RYR2: variants seen among roughly 807,000 people sequenced by gnomAD.
RYR2 encodes the protein ryanodine receptor 2.
Under a neutral mutation model 601.1 loss-of-function variants are expected in RYR2, and 227 were observed. The ratio of observed to expected loss-of-function variants is 0.38; its 90% CI spans 0.34 to 0.42. RYR2 has a LOEUF of 0.42. Among genes scored for constraint, RYR2 ranks in the 10% least tolerant of loss-of-function variants. RYR2 has a pLI of 1.00. For missense variants in RYR2, 4,646 were observed against 6,156.5 expected (o/e 0.75, Z 8.21); for synonymous variants, 2,223 against 2,175.1 (o/e 1.02, Z -0.61).
intron 63 of RYR2, among the ~76,000 whole-genome samples, chr1:237,694,107 A>C (rs1256113683): frequency 1.3e-5 from 2 of 151,944 alleles, no homozygotes; most frequent in African/African-American, 2.4e-5. Flanking sequence ...ATCCTGGCTA[A>C]CAAGGTGAAA....
chr1:237,299,578 A>G (rs1341603790), intron 2 of RYR2, among the ~76,000 whole-genome samples: 1 of 152,176 alleles, frequency 6.6e-6, no homozygotes. Flanking sequence ...CTTTTCCCAC[A>G]TCCATTAGTT....
intron 22 of RYR2, 123 bp downstream of exon 22, chr1:237,503,628 T>C (rs961004162): frequency 1.6e-5 from 13 of 835,234 alleles, no homozygotes; most frequent in Non-Finnish European, 1.5e-5. Context: ...ACAGTTGACA[T>C]GTAGGACTGA....
rs372314209 is a variant in RYR2, at chr1:237,638,354, C to T, written c.6793-3C>T. ...AACTCTTTGTTAATCATGTTGTTTG[C>T]AGGTAGTTCGTTATTTGGCTGGTTG... On this transcript the variant is annotated splice_region_variant and splice_polypyrimidine_tract_variant and intron_variant, in intron 44 of 104. Transcript: ENST00000366574. The T allele has an allele frequency of 1.9e-5, 31 of 1,613,694 alleles. No homozygotes were observed. The African/African-American group carries it at 3.5e-4, about 18-fold the overall frequency.
intron 25 of RYR2, among the ~76,000 whole-genome samples, chr1:237,543,605 T>TGTA (rs1365602474): frequency 2.0e-5 from 3 of 152,212 alleles, no homozygotes; most frequent in African/African-American, 4.8e-5. Context: ...TGAACTTGGC[T>TGTA]GTAGCCTTTA....
chr1:237,275,753 C>G (rs1572442292), intron 2 of RYR2, among the ~76,000 whole-genome samples: 1 of 152,024 alleles, frequency 6.6e-6, no homozygotes, highest in African/African-American at 2.4e-5. Flanking sequence ...CTTTAAAGTT[C>G]ACATACCATA....
chr1:237,377,060 GAGT>G lies in RYR2; in HGVS notation c.464-261_464-259del, dbSNP rs564550780. 8.5e-3 allele frequency among the ~76,000 whole-genome samples: 1,288 copies of G among 152,308 alleles called. 22 individuals are homozygous for G. The highest frequency in any genetic ancestry group is 0.03 in the African/African-American group (1,235 of 41,564). ...GTGAGTGGTGAATTTAGCCTTAGAT[GAGT>G]ATAAATAAACATCGCTTTAAAGCAA... On this transcript the variant is annotated intron_variant, in intron 7 of 104. Transcript: ENST00000366574.
chr1:237,292,009 T>C lies in RYR2; in HGVS notation c.168+21393T>C, dbSNP rs371207176. 1.3e-4 allele frequency among the ~76,000 whole-genome samples: 20 copies of C among 152,312 alleles called. No individual in the cohort carries two copies. The East Asian group carries it at 3.5e-3, about 26-fold the overall frequency. ...TACTGATAGTGGGGGAAGCCGTGCATGTGTAGGGGGCAGAGGTATATGGGA... is the reference window on the plus strand; with the variant it reads ...TACTGATAGTGGGGGAAGCCGTGCACGTGTAGGGGGCAGAGGTATATGGGA... On this transcript the variant is annotated intron_variant, in intron 2 of 104. Transcript: ENST00000366574.
At chr1:237,319,431 T>A (rs1695410555) in intron 2 of RYR2, among the ~76,000 whole-genome samples, 4 of 152,208 alleles carry the variant, frequency 2.6e-5, no homozygotes. Flanking sequence ...TGAATTCTTT[T>A]ATGTCTCTAT....
At chr1:237,731,289 G>A (rs1690655300) in intron 77 of RYR2, among the ~76,000 whole-genome samples, 1 of 151,904 alleles carries the variant, frequency 6.6e-6, no homozygotes, top group Admixed American at 6.6e-5. Flanking sequence ...CAAAAAGTTG[G>A]ATGTAATTGA....
chr1:237,377,267 A>T (rs1411167891), intron 7 of RYR2, 56 bp from the exon 8 acceptor site: 1 of 1,323,198 alleles, frequency 7.6e-7, no homozygotes, highest in African/African-American at 1.5e-5. Context: ...TGGCAAAGAA[A>T]ATAGATTTTA....
chr1:237,553,319 G>C (rs971274526), intron 27 of RYR2, among the ~76,000 whole-genome samples: 5 of 151,904 alleles, frequency 3.3e-5, no homozygotes, highest in Non-Finnish European at 7.4e-5. Flanking sequence ...ACCATTTGTT[G>C]GAACAATTAT....
intron 3 of RYR2, among the ~76,000 whole-genome samples, chr1:237,348,458 G>GT (rs1698487136): frequency 6.6e-6 from 1 of 152,160 alleles, no homozygotes; most frequent in South Asian, 2.1e-4. Flanking sequence ...AGGAGGAGGG[G>GT]TTTTGATAAT....
At chr1:237,664,153 G>A (rs1315524961) in intron 56 of RYR2, among the ~76,000 whole-genome samples, 2 of 152,112 alleles carry the variant, frequency 1.3e-5, no homozygotes, top group African/African-American at 4.8e-5. Context: ...TAAAACAAAT[G>A]AAAAATAAGC....
chr1:237,524,016 TTAAACA>T (rs1667340282), intron 24 of RYR2, among the ~76,000 whole-genome samples: 1 of 152,128 alleles, frequency 6.6e-6, no homozygotes, highest in Non-Finnish European at 1.5e-5. Context: ...TCTTAAAAAG[TTAAACA>T]TAAACTTACC....
chr1:237,258,726 C>T (rs146485936), intron 1 of RYR2, among the ~76,000 whole-genome samples: 1 of 152,286 alleles, frequency 6.6e-6, no homozygotes, highest in African/African-American at 2.4e-5. Context: ...CTTGTGAGGA[C>T]AGCCCTGAGT....
intron 77 of RYR2, 123 bp from the exon 78 acceptor site, chr1:237,731,922 CA>C: frequency 3.3e-6 from 1 of 301,380 alleles, no homozygotes; most frequent in Non-Finnish European, 5.9e-6. Context: ...ACACACACCC[CA>C]CAACAGGGAA....
At chr1:237,320,218 C>G (rs758264422) in intron 2 of RYR2, among the ~76,000 whole-genome samples, 14 of 152,106 alleles carry the variant, frequency 9.2e-5, no homozygotes, top group Non-Finnish European at 1.5e-4. Flanking sequence ...AACCTTCTCA[C>G]TTGGTCATGG....
At chr1:237,402,181 C>G (rs1475215720) in intron 10 of RYR2, among the ~76,000 whole-genome samples, 1 of 151,740 alleles carries the variant, frequency 6.6e-6, no homozygotes. Flanking sequence ...ATCACTTGGG[C>G]CCAGGAGTTC....
intron 63 of RYR2, among the ~76,000 whole-genome samples, chr1:237,692,009 TA>T (rs1258900902): frequency 6.6e-6 from 1 of 152,226 alleles, no homozygotes; most frequent in Non-Finnish European, 1.5e-5. Flanking sequence ...AGTTAGAGGA[TA>T]CATTAGCCCT....
Sources: allele counts gnomAD v4.1 joint callset (sites outside exome capture counted in the v4.1 genomes callset), GRCh38; gene constraint gnomAD v4.1.1; transcripts MANE v1.5; gene names NCBI Gene and HGNC (gene_info 2026-07-23, HGNC 2026-07-21).